Variants in ALDH1L2 observed in about 807,000 individuals in gnomAD.
The protein encoded by ALDH1L2 is mitochondrial 10-formyltetrahydrofolate dehydrogenase.
ALDH1L2 carries 91 observed loss-of-function variants against 111.0 expected under a neutral mutation model. The observed-to-expected ratio is 0.82, with a 90% confidence interval of 0.69 to 0.98. The LOEUF (loss-of-function observed/expected upper bound fraction) is 0.98, where lower values mean the gene tolerates loss of function less well. Among genes scored for constraint, ALDH1L2 ranks in the 50% least tolerant of loss-of-function variants. The probability of loss-of-function intolerance (pLI) is 0.00; values close to 1 mark genes in which losing one functional copy is unlikely to be tolerated. For missense variants in ALDH1L2, 995 were observed against 1,126.8 expected (o/e 0.88, Z 1.67); for synonymous variants, 374 against 392.6 (o/e 0.95, Z 0.56).
chr12:105,029,966 C>T (rs1305400373), intron 21 of ALDH1L2: 1 of 156,694 alleles, frequency 6.4e-6, no homozygotes, highest in Non-Finnish European at 1.4e-5. Flanking sequence ...CACTCTTTCT[C>T]TAGGGAAATA....
rs561533060 is a variant in ALDH1L2, at chr12:105,046,783, G to A, written c.1790C>T (p.Pro597Leu). 12 of 1,614,138 alleles carry A rather than the reference G, an allele frequency of 7.4e-6. No homozygotes were observed. Among genetic ancestry groups the A allele is most frequent in the Middle Eastern group, 1.6e-4 (1 of 6,062 alleles). The change falls in exon 15 of 23, where the codon CCG (proline) becomes CTG (leucine). Residue 597 changes from proline to leucine, a missense_variant. Coordinates refer to ENST00000258494, the MANE Select transcript of ALDH1L2 (RefSeq NM_001034173.4). ...VCAIIIPWNY[P>L]LMMLAWKSAA... ...ACTCTTCCATGCCAGCATCATCAGCGGGTAGTTCCAGGGAATAATAATGGC... is the reference window on the plus strand; with the variant it reads ...ACTCTTCCATGCCAGCATCATCAGCAGGTAGTTCCAGGGAATAATAATGGC...
chr12:105,062,853 AG>A lies in ALDH1L2; in HGVS notation c.921+34del, dbSNP rs781350047. The A allele has an allele frequency of 3.1e-6, 5 of 1,593,716 alleles. No homozygotes were observed. In the South Asian group the frequency reaches 5.7e-5, roughly 18 times the overall value. On this transcript the variant is annotated intron_variant, in intron 7 of 22. Coordinates refer to ENST00000258494, the MANE Select transcript of ALDH1L2 (RefSeq NM_001034173.4). ...GCTTGGGTTATAGAAGAAAATCAAAAGGTTATTTCATAGGCAGCCATATTTA... is the reference window on the plus strand; with the variant it reads ...GCTTGGGTTATAGAAGAAAATCAAAAGTTATTTCATAGGCAGCCATATTTA...
At position 105,034,376 on chromosome 12, in the gene ALDH1L2, T is replaced by G. The variant is rs143839661; in HGVS notation, c.2168A>C (p.Asn723Thr). ...AGCAGCAATACAGTTCTCTCCTTTG[T>G]TGAAAAATACTGCTCCCATGCCCTT... ...VRMGMGAVFF[N>T]KGENCIAAGR... The change falls in exon 19 of 23, where the codon AAC becomes ACC. Residue 723 changes from asparagine to threonine, a missense_variant. Transcript: ENST00000258494. 5.8e-4 allele frequency: 940 copies of G among 1,611,034 alleles called. No homozygotes were observed. Among genetic ancestry groups the G allele is most frequent in the Non-Finnish European group, 7.6e-4 (893 of 1,179,280 alleles).
intron 15 of ALDH1L2, among the ~76,000 whole-genome samples, chr12:105,045,275 G>C (rs1438365374): frequency 6.6e-6 from 1 of 152,040 alleles, no homozygotes; most frequent in Non-Finnish European, 1.5e-5. Flanking sequence ...AGTAGAGATG[G>C]GGTTTCACCA....
intron 6 of ALDH1L2, among the ~76,000 whole-genome samples, 156 bp downstream of exon 6, chr12:105,065,111 A>G (rs1340921992): frequency 3.3e-5 from 5 of 151,996 alleles, no homozygotes; most frequent in Non-Finnish European, 1.5e-5. Context: ...CTGCTGCACA[A>G]TAAATGCTTA....
chr12:105,054,310 G>C (rs1876481391), intron 10 of ALDH1L2, among the ~76,000 whole-genome samples: 1 of 152,176 alleles, frequency 6.6e-6, no homozygotes, highest in Admixed American at 6.5e-5. Flanking sequence ...GGAAAGTAAG[G>C]ACCTCTGAAA....
intron 3 of ALDH1L2, 91 bp from the exon 4 acceptor site, chr12:105,068,975 G>A: frequency 2.6e-6 from 3 of 1,160,762 alleles, no homozygotes; most frequent in Non-Finnish European, 2.3e-6. Flanking sequence ...TAGTTATAAT[G>A]GAAAAGTAGA....
intron 1 of ALDH1L2, 27 bp downstream of exon 1, chr12:105,084,362 C>T (rs748641493): frequency 2.0e-6 from 3 of 1,504,734 alleles, no homozygotes; most frequent in Middle Eastern, 2.0e-4. Context: ...GGGTGACAGC[C>T]GGGACGCTCG....
intron 15 of ALDH1L2, among the ~76,000 whole-genome samples, chr12:105,041,368 T>C (rs1024921660): frequency 6.6e-5 from 10 of 152,246 alleles, no homozygotes; most frequent in African/African-American, 2.2e-4. Flanking sequence ...ATTCAAGTTA[T>C]GCACTTTTGG....
intron 7 of ALDH1L2, among the ~76,000 whole-genome samples, chr12:105,062,280 T>C (rs1450624637): frequency 1.3e-5 from 2 of 152,228 alleles, no homozygotes; most frequent in African/African-American, 2.4e-5. Context: ...GTTCAGTAAT[T>C]TGCTCAGTGC....
At position 105,084,455 on chromosome 12, in the gene ALDH1L2, C is replaced by A; in HGVS notation, c.-19G>T. 1 of 1,420,828 alleles carries A rather than the reference C, an allele frequency of 7.0e-7. No individual in the cohort carries two copies. The highest frequency in any genetic ancestry group is 3.1e-5 in the Admixed American group (1 of 32,530). The allele number at this position is 1,420,828 out of a possible 1,614,324, so 88.0% of individuals were successfully genotyped here. On this transcript the variant is annotated 5_prime_UTR_variant, in exon 1 of 23. Coordinates refer to ENST00000258494, the MANE Select transcript of ALDH1L2 (RefSeq NM_001034173.4). ...GCAGCATGCTGGAGAGGAGCGCTAG[C>A]ACTGGCGACGCGGCAGCGCGGGAGG...
At chr12:105,061,144 C>A in intron 8 of ALDH1L2, 72 bp from the exon 9 acceptor site, 1 of 1,289,324 alleles carries the variant, frequency 7.8e-7, no homozygotes, top group Non-Finnish European at 1.1e-6. Flanking sequence ...GCTAGCTCTT[C>A]ACCAAACCAA....
intron 1 of ALDH1L2, among the ~76,000 whole-genome samples, chr12:105,079,955 CT>C (rs1878260822): frequency 6.6e-6 from 1 of 152,116 alleles, no homozygotes; most frequent in Non-Finnish European, 1.5e-5. Context: ...CACAACTTTC[CT>C]TGTTCGTACA....
In ALDH1L2 at chr12:105,039,747, C is replaced by T; in HGVS notation, c.2011G>A (p.Gly671Arg). Residue 671 changes from glycine to arginine, a missense_variant, in exon 17 of 23, where the codon GGA becomes AGA. Coordinates refer to ENST00000258494, the MANE Select transcript of ALDH1L2 (RefSeq NM_001034173.4). ...ATCTGTTTGCCAATAGGAGTGGATC[C>T]AGTGAAACCAAGTTTGCGGATGTCA... ...HPDIRKLGFT[G>R]STPIGKQIMK... is the part of the protein sequence containing the mutation. 1 of 1,613,998 alleles carries T rather than the reference C, an allele frequency of 6.2e-7. No homozygotes were observed. Among genetic ancestry groups the T allele is most frequent in the Non-Finnish European group, 8.5e-7 (1 of 1,179,944 alleles).
intron 17 of ALDH1L2, 90 bp from the exon 18 acceptor site, chr12:105,038,292 AC>A: frequency 1.9e-6 from 1 of 515,240 alleles, no homozygotes. Context: ...ACACACACAC[AC>A]ACACACACAC....
rs767155641 is a variant in ALDH1L2, at chr12:105,030,383, C to G, written c.2457G>C (p.Met819Ile). The G allele has an allele frequency of 1.2e-5, 19 of 1,613,416 alleles. No individual in the cohort carries two copies. The highest frequency in any genetic ancestry group is 1.5e-5 in the Non-Finnish European group (18 of 1,179,592). Residue 819 changes from methionine to isoleucine, a missense_variant, in exon 21 of 23, where the codon ATG (methionine) becomes ATC (isoleucine). Transcript: ENST00000258494. ...CAAAGGATTCCTCTTTGGCGAGGTA[C>G]ATGTAGTCTTCCACATCTGTGAACA... is the stretch of plus-strand genomic sequence containing the variant. Reference protein sequence around the residue: ...PTVFTDVEDYMYLAKEESFGP... With the variant: ...PTVFTDVEDYIYLAKEESFGP...
intron 9 of ALDH1L2, among the ~76,000 whole-genome samples, chr12:105,058,993 G>A (rs1369189929): frequency 6.6e-6 from 1 of 152,042 alleles, no homozygotes. Flanking sequence ...TACTGGCCGG[G>A]TGCGGTGGCT....
intron 20 of ALDH1L2, 134 bp downstream of exon 20, chr12:105,031,635 C>A: frequency 7.9e-7 from 1 of 1,260,050 alleles, no homozygotes. Context: ...GTAGCAGGTG[C>A]GTGCCACCAC....
chr12:105,028,996 C>G (rs998173257), intron 21 of ALDH1L2, among the ~76,000 whole-genome samples: 1 of 150,752 alleles, frequency 6.6e-6, no homozygotes, highest in Non-Finnish European at 1.5e-5. Context: ...ATGCTAGAAA[C>G]GGGAAAACAT....
Sources: allele counts gnomAD v4.1 joint callset (sites outside exome capture counted in the v4.1 genomes callset), GRCh38; gene constraint gnomAD v4.1.1; transcripts MANE v1.5; gene names NCBI Gene and HGNC (gene_info 2026-07-23, HGNC 2026-07-21).